The following STK32B variants were observed in gnomAD, a reference collection of about 807,000 sequenced individuals.
STK32B encodes serine/threonine kinase 32B, also known as serine/threonine-protein kinase 32B.
A neutral mutation model predicts 52.6 loss-of-function variants in STK32B; 43 were observed. That is an observed-to-expected ratio of 0.82 (90% CI 0.64 to 1.05). The LOEUF is 1.05. Among genes scored for constraint, STK32B ranks in the 50% least tolerant of loss-of-function variants. The pLI is 0.00. For synonymous variants in STK32B, 238 were observed against 204.3 expected, an observed-to-expected ratio of 1.17 and a Z score of -1.41; for missense variants, 621 against 534.6, an observed-to-expected ratio of 1.16 and a Z score of -1.59.
chr4:5,078,248 G>A (rs1002863029), intron 1 of STK32B, among the ~76,000 whole-genome samples: 3 of 152,090 alleles, frequency 2.0e-5, no homozygotes, highest in Non-Finnish European at 4.4e-5. Flanking sequence ...ACCAATCACT[G>A]GCCAAAATGT....
Position 5,051,811 on chromosome 4 carries a change from C to CGCATCCG in STK32B, c.-46_-40dup. The CGCATCCG allele has an allele frequency of 1.3e-6, 2 of 1,561,704 alleles. No individual in the cohort carries two copies. Among genetic ancestry groups the CGCATCCG allele is most frequent in the Non-Finnish European group, 1.7e-6 (2 of 1,153,686 alleles). The stretch of plus-strand genomic sequence containing the variant: ...GCATCTCTGCGCGCGTCCCACATCC[C>CGCATCCG]GCATCCGGCATCCCAGCGGCCGGGC... On this transcript the variant is annotated 5_prime_UTR_variant, in exon 1 of 12. Coordinates refer to ENST00000282908, the MANE Select transcript of STK32B (RefSeq NM_018401.3).
intron 4 of STK32B, among the ~76,000 whole-genome samples, chr4:5,377,956 G>A (rs1160348016): frequency 6.6e-6 from 1 of 152,128 alleles, no homozygotes; most frequent in Non-Finnish European, 1.5e-5. Context: ...AAACAAAATA[G>A]TAGTACCAAA....
chr4:5,321,593 C>G (rs1474721028), intron 3 of STK32B, among the ~76,000 whole-genome samples: 6 of 152,170 alleles, frequency 3.9e-5, no homozygotes, highest in Non-Finnish European at 8.8e-5. Context: ...CCACTATCTC[C>G]TCTATCAGTC....
intron 3 of STK32B, among the ~76,000 whole-genome samples, chr4:5,258,250 C>T (rs889268708): frequency 2.0e-5 from 3 of 152,174 alleles, no homozygotes; most frequent in African/African-American, 7.2e-5. Flanking sequence ...TGCAGGGGGA[C>T]AGTGCCTGGG....
rs753126725 is a variant in STK32B, at chr4:5,235,885, AG to A, written c.260+67440del. ...ACATAGGAGAGGAGATGGTCTTTCC[AG>A]GGGGAGGCAGCTTCCTGCCCATCAC... On this transcript the variant is annotated intron_variant, in intron 3 of 11. Transcript: ENST00000282908. Among the ~76,000 whole-genome samples the A allele has an allele frequency of 4.1e-4, 62 of 152,306 alleles. 2 individuals carry two copies. Among genetic ancestry groups the A allele is most frequent in the Admixed American group, 2.6e-4 (4 of 15,300 alleles).
intron 4 of STK32B, among the ~76,000 whole-genome samples, chr4:5,340,893 T>C (rs62297277): frequency 0.098 from 14,960 of 152,164 alleles, 1,230 homozygotes; most frequent in Admixed American, 0.21. Flanking sequence ...AAATATCTCA[T>C]TTAATCCTCA....
In STK32B at chr4:5,316,193, T is replaced by C. The variant is rs183578534; in HGVS notation, c.261-15027T>C. ...TATATATATAACTAAATATATATAT[T>C]TAGATATATAATATATATTACATAA... On this transcript the variant is annotated intron_variant, in intron 3 of 11. Transcript: ENST00000282908. 6.7e-3 allele frequency among the ~76,000 whole-genome samples: 574 copies of C among 85,920 alleles called. 3 individuals are homozygous for C. The highest frequency in any genetic ancestry group is 0.034 in the African/African-American group (409 of 12,064). 56.4% of individuals were successfully genotyped at this position (85,920 alleles called of 152,430 possible).
chr4:5,293,387 C>A (rs1481622000), intron 3 of STK32B, among the ~76,000 whole-genome samples: 1 of 152,108 alleles, frequency 6.6e-6, no homozygotes, highest in East Asian at 1.9e-4. Flanking sequence ...AATGGTTTAA[C>A]TAATTTTCAC....
rs1730052904 is a variant in STK32B at position 5,308,167 on chromosome 4, T to C, written c.261-23053T>C. On this transcript the variant is annotated intron_variant, in intron 3 of 11. Coordinates refer to ENST00000282908, the MANE Select transcript of STK32B (RefSeq NM_018401.3). Reference sequence around the variant, plus strand: ...CTGTGATTGTATAGAGAGGATGAGGTGATGGGCAGGGCTAAAGAGCTTTCA... The same window carrying C: ...CTGTGATTGTATAGAGAGGATGAGGCGATGGGCAGGGCTAAAGAGCTTTCA... 2.0e-5 allele frequency among the ~76,000 whole-genome samples: 3 copies of C among 152,110 alleles called. No homozygotes were observed. In the South Asian group the frequency reaches 6.2e-4, roughly 32 times the overall value.
chr4:5,358,292 C>T (rs1734308877), intron 4 of STK32B, among the ~76,000 whole-genome samples: 1 of 152,162 alleles, frequency 6.6e-6, no homozygotes, highest in Non-Finnish European at 1.5e-5. Context: ...AATATGAAAG[C>T]AGGAAACAAA....
intron 3 of STK32B, among the ~76,000 whole-genome samples, chr4:5,263,526 A>C (rs753948857): frequency 1.6e-4 from 25 of 152,224 alleles, no homozygotes; most frequent in Non-Finnish European, 2.5e-4. Context: ...GCTGCCACAG[A>C]ACTCAGCTCC....
chr4:5,333,141 A>G (rs1732389471), intron 4 of STK32B, among the ~76,000 whole-genome samples: 4 of 151,850 alleles, frequency 2.6e-5, no homozygotes, highest in Admixed American at 1.3e-4. Flanking sequence ...ATTTCTCCAC[A>G]TCCTCTCCAG....
intron 2 of STK32B, among the ~76,000 whole-genome samples, chr4:5,157,299 T>TAAAAAAAA (rs59362249): frequency 9.8e-6 from 1 of 101,566 alleles, no homozygotes; most frequent in Non-Finnish European, 2.1e-5. Context: ...TGTGAGGATG[T>TAAAAAAAA]AAAAAAAAAA....
At chr4:5,108,696 A>G (rs573233093) in intron 1 of STK32B, among the ~76,000 whole-genome samples, 1 of 152,314 alleles carries the variant, frequency 6.6e-6, no homozygotes, top group East Asian at 1.9e-4. Context: ...AGTGACTCGC[A>G]GAGTCGGTAG....
chr4:5,245,229 C>T lies in STK32B; in HGVS notation c.260+76779C>T, dbSNP rs181492936. On this transcript the variant is annotated intron_variant, in intron 3 of 11. Transcript: ENST00000282908. The stretch of plus-strand genomic sequence containing the variant: ...TTGGAGTCCAAGAATCTTTGTAGGT[C>T]ACTCAGGACTTGCTTTATGAATCTG... Among the ~76,000 whole-genome samples, 23 of 152,244 alleles carry T rather than the reference C, an allele frequency of 1.5e-4. 1 individual carries two copies. Among genetic ancestry groups the T allele is most frequent in the Admixed American group, 8.5e-4 (13 of 15,282 alleles).
At position 5,467,968 on chromosome 4, in the gene STK32B, G is replaced by A. The variant is rs1717571143; in HGVS notation, c.1042-38G>A. 1 of 1,613,014 alleles carries A rather than the reference G, an allele frequency of 6.2e-7. No individual in the cohort carries two copies. The highest frequency in any genetic ancestry group is 1.7e-5 in the Admixed American group (1 of 60,014). On this transcript the variant is annotated intron_variant, in intron 10 of 11. Transcript: ENST00000282908. This position sits in a 1 kb window ranked among gnomAD's most constrained non-coding sequence, Gnocchi z 5.8. ...CCATTACCGCGCGTCCCCGGACCGT[G>A]CTTTGTCATTTAGTCACCCCTCTGT...
At chr4:5,381,551 G>A (rs1167348670) in intron 4 of STK32B, among the ~76,000 whole-genome samples, 4 of 152,210 alleles carry the variant, frequency 2.6e-5, no homozygotes, top group Non-Finnish European at 5.9e-5. Context: ...GGAAAATGTG[G>A]TCAGCACATG....
intron 3 of STK32B, among the ~76,000 whole-genome samples, chr4:5,223,816 CAAAAAAAAA>C (rs1230344719): frequency 2.0e-5 from 2 of 100,682 alleles, no homozygotes; most frequent in African/African-American, 3.5e-5. Context: ...GACTCCGTTT[CAAAAAAAAA>C]AAAAAAAAAA....
chr4:5,322,601 A>T (rs1373752643), intron 3 of STK32B, among the ~76,000 whole-genome samples: 1 of 152,222 alleles, frequency 6.6e-6, no homozygotes, highest in African/African-American at 2.4e-5. Context: ...GAAGTGGAGA[A>T]AGGTGGCTGT....
Sources: gnomAD v4.1 joint callset for allele counts (sites outside exome capture counted in the v4.1 genomes callset) on GRCh38, gnomAD v4.1.1 for gene constraint, Gnocchi (gnomAD v3.1) non-coding constraint, MANE v1.5 for transcripts, NCBI Gene and HGNC (gene_info 2026-07-23, HGNC 2026-07-21) for gene names.